LDHB: variants seen among roughly 807,000 people sequenced by gnomAD.
LDHB encodes lactate dehydrogenase B, also known as L-lactate dehydrogenase B chain.
Under a neutral mutation model 33.4 loss-of-function variants are expected in LDHB, and 18 were observed. The ratio of observed to expected loss-of-function variants is 0.54; its 90% CI spans 0.37 to 0.80. The LOEUF is 0.80. LDHB is among the 30% of genes least tolerant of loss of function. The pLI is 0.00. For missense variants in LDHB, 345 were observed against 407.9 expected (o/e 0.85, Z 1.33); for synonymous variants, 121 against 140.6 (o/e 0.86, Z 0.98).
In LDHB at chr12:21,644,046, C is replaced by T; in HGVS notation, c.310G>A (p.Gly104Arg). Reference sequence around the variant, plus strand: ...TGCACCAGATTGAGCCGACTCTCCCCTTCTTGCTGACGGACTCCTGCAGTT... The same window carrying T: ...TGCACCAGATTGAGCCGACTCTCCCTTTCTTGCTGACGGACTCCTGCAGTT... ...VVTAGVRQQEGESRLNLVQRN... is the reference protein window; with the variant it reads ...VVTAGVRQQERESRLNLVQRN... The change falls in exon 4 of 8, where the codon GGG becomes AGG. Residue 104 changes from glycine to arginine, a missense_variant. Coordinates refer to ENST00000350669, the MANE Select transcript of LDHB (RefSeq NM_002300.8). 1 of 1,613,132 alleles carries T rather than the reference C, an allele frequency of 6.2e-7. No homozygotes were observed. Among genetic ancestry groups the T allele is most frequent in the Non-Finnish European group, 8.5e-7 (1 of 1,179,124 alleles).
chr12:21,638,550 T>C (rs1938280470), intron 5 of LDHB, 80 bp from the exon 6 acceptor site: 1 of 964,798 alleles, frequency 1.0e-6, no homozygotes. Flanking sequence ...TAGTGCAATT[T>C]CACCTATGAT....
At chr12:21,636,972 T>A in intron 7 of LDHB, 99 bp downstream of exon 7, 1 of 1,057,710 alleles carries the variant, frequency 9.5e-7, no homozygotes, top group South Asian at 1.3e-5. Flanking sequence ...AGAAATAACC[T>A]TGAACTATGA....
intron 6 of LDHB, 30 bp from the exon 7 acceptor site, chr12:21,637,224 AATAAG>A (rs751953706): frequency 6.5e-7 from 1 of 1,535,180 alleles, no homozygotes; most frequent in South Asian, 1.1e-5. Flanking sequence ...ACATCACTGA[AATAAG>A]ACTCAATCAT....
chr12:21,635,840 C>A (rs1387928133), intron 7 of LDHB, 131 bp from the exon 8 acceptor site: 1 of 766,454 alleles, frequency 1.3e-6, no homozygotes, highest in East Asian at 2.7e-5. Flanking sequence ...GACAGCGGTA[C>A]TACTCTCCAG....
intron 2 of LDHB, among the ~76,000 whole-genome samples, chr12:21,651,108 T>A (rs1394316210): frequency 6.6e-6 from 1 of 152,144 alleles, no homozygotes. Flanking sequence ...GAGATTGGCA[T>A]TTGGGAGGCA....
Position 21,649,834 on chromosome 12 carries a change from G to GTC in LDHB, c.130-2819_130-2818insGA, listed in dbSNP as rs1938632923. Among the ~76,000 whole-genome samples the GTC allele has an allele frequency of 5.9e-5, 9 of 152,158 alleles. No individual in the cohort carries two copies. In the South Asian group the frequency reaches 1.7e-3, roughly 28 times the overall value. On this transcript the variant is annotated intron_variant, in intron 2 of 7. Transcript: ENST00000350669. ...TGGCCAGGGGTGGTGGCTCATGCGT[G>GTC]TAATCCCAGCATTTTGGGGGGCTGA... is the stretch of plus-strand genomic sequence containing the variant.
Position 21,637,161 on chromosome 12 carries a change from G to C in LDHB, c.747C>G (p.Thr249=), listed in dbSNP as rs375117218. ...CCACACTTAATCCAATAGCCCAGTT[G>C]GTATATCCTTTTAGCTTGATGACTT... ...AYEVIKLKGY[T]NWAIGLSVAD... The change falls in exon 7 of 8, where the codon ACC becomes ACG. Residue 249 remains threonine (T), a synonymous_variant. Coordinates refer to ENST00000350669, the MANE Select transcript of LDHB (RefSeq NM_002300.8). 1 of 1,601,700 alleles carries C rather than the reference G, an allele frequency of 6.2e-7. No homozygotes were observed. The highest frequency in any genetic ancestry group is 1.3e-5 in the African/African-American group (1 of 74,544).
At chr12:21,645,934 G>A (rs1938515921) in intron 3 of LDHB, among the ~76,000 whole-genome samples, 1 of 152,126 alleles carries the variant, frequency 6.6e-6, no homozygotes, top group Admixed American at 6.5e-5. Context: ...CCCCTTCATT[G>A]TACCAATACT....
intron 5 of LDHB, 28 bp downstream of exon 5, chr12:21,641,924 A>C (rs747011218): frequency 6.3e-7 from 1 of 1,579,692 alleles, no homozygotes; most frequent in Non-Finnish European, 8.7e-7. Context: ...CAACATCACA[A>C]GTAATTATTT....
In LDHB at chr12:21,643,976, T is replaced by A. The variant is rs1408591269; in HGVS notation, c.380A>T (p.Lys127Met). 8 of 1,613,228 alleles carry A rather than the reference T, an allele frequency of 5.0e-6. No homozygotes were observed. The highest frequency in any genetic ancestry group is 6.8e-6 in the Non-Finnish European group (8 of 1,179,208). ...AATTATGATGCAATCAGGACTGTAC[T>A]TGACGATCTGAGGAATAATGAATTT... is the stretch of plus-strand genomic sequence containing the variant. ...VFKFIIPQIV[K>M]YSPDCIIIVV... is the part of the protein sequence containing the mutation. The change falls in exon 4 of 8, where the codon AAG becomes ATG. Residue 127 changes from lysine (K) to methionine (M), a missense_variant. Lys to Met is a moderately conservative substitution (Grantham distance 95, BLOSUM62 -1). Coordinates refer to ENST00000350669, the MANE Select transcript of LDHB (RefSeq NM_002300.8).
At chr12:21,648,736 A>G (rs1938598210) in intron 2 of LDHB, among the ~76,000 whole-genome samples, 1 of 152,206 alleles carries the variant, frequency 6.6e-6, no homozygotes, top group African/African-American at 2.4e-5. Flanking sequence ...CAATGAATAA[A>G]CACTGTCCTC....
At chr12:21,641,924 A>G (rs747011218) in intron 5 of LDHB, 28 bp downstream of exon 5, 2 of 1,579,692 alleles carry the variant, frequency 1.3e-6, no homozygotes, top group Non-Finnish European at 1.7e-6. Flanking sequence ...CAACATCACA[A>G]GTAATTATTT....
intron 1 of LDHB, 114 bp from the exon 2 acceptor site, chr12:21,654,791 C>T (rs1257757503): frequency 1.2e-6 from 1 of 866,922 alleles, no homozygotes; most frequent in East Asian, 2.5e-5. Context: ...TTAAAATGAG[C>T]CTAATGATAT....
In LDHB at chr12:21,652,720, T is replaced by C. The variant is rs189157307; in HGVS notation, c.129+1823A>G. Among the ~76,000 whole-genome samples the C allele has an allele frequency of 1.5e-4, 23 of 151,576 alleles. No individual in the cohort carries two copies. The East Asian group carries it at 3.5e-3, about 23-fold the overall frequency. ...AAGGATAGGGAGCTGCTATCCTAAA[T>C]GACAGTGACCTAGTCAATTGAAACT... On this transcript the variant is annotated intron_variant, in intron 2 of 7. Coordinates refer to ENST00000350669, the MANE Select transcript of LDHB (RefSeq NM_002300.8).
At chr12:21,636,852 AAAG>A (rs1938231597) in intron 7 of LDHB, among the ~76,000 whole-genome samples, 1 of 152,144 alleles carries the variant, frequency 6.6e-6, no homozygotes, top group African/African-American at 2.4e-5. Flanking sequence ...AAAATTATAT[AAAG>A]AATGACAACA....
chr12:21,648,539 G>GA (rs1450903338), intron 2 of LDHB, among the ~76,000 whole-genome samples: 1 of 151,650 alleles, frequency 6.6e-6, no homozygotes, highest in Admixed American at 6.6e-5. Context: ...TATTAATGGG[G>GA]GGGAGGGGCC....
At position 21,636,800 on chromosome 12, in the gene LDHB, C is replaced by T. The variant is rs141386044; in HGVS notation, c.837+271G>A. The stretch of plus-strand genomic sequence containing the variant: ...ATTACACTTATTCAAATGATCAATA[C>T]TTTAAGAATGTGCTAAGATTCAGAG... On this transcript the variant is annotated intron_variant, in intron 7 of 7. Coordinates refer to ENST00000350669, the MANE Select transcript of LDHB (RefSeq NM_002300.8). Among the ~76,000 whole-genome samples the T allele has an allele frequency of 3.6e-3, 542 of 152,156 alleles. 6 individuals carry two copies. The Middle Eastern group carries it at 0.037, about 11-fold the overall frequency.
chr12:21,656,557 T>C (rs1938850478), intron 1 of LDHB, among the ~76,000 whole-genome samples: 1 of 152,194 alleles, frequency 6.6e-6, no homozygotes, highest in Non-Finnish European at 1.5e-5. Flanking sequence ...AAAATGAAAA[T>C]GAAGAAACAG....
At position 21,635,413 on chromosome 12, in the gene LDHB, T is replaced by C. The variant is rs1262510750; in HGVS notation, c.*129A>G. On this transcript the variant is annotated 3_prime_UTR_variant, in exon 8 of 8. Transcript: ENST00000350669. ...GCATTAAACCAAGCATAGGCTTTGATTCTGTGAGCCCAAATTCACATATTG... is the reference window on the plus strand; with the variant it reads ...GCATTAAACCAAGCATAGGCTTTGACTCTGTGAGCCCAAATTCACATATTG... 2 of 804,176 alleles carry C rather than the reference T, an allele frequency of 2.5e-6. No individual in the cohort carries two copies. Among genetic ancestry groups the C allele is most frequent in the Non-Finnish European group, 4.3e-6 (2 of 459,816 alleles). 49.8% of individuals were successfully genotyped at this position (804,176 alleles called of 1,614,324 possible).
Sources: gnomAD v4.1 joint callset for allele counts (sites outside exome capture counted in the v4.1 genomes callset) on GRCh38, gnomAD v4.1.1 for gene constraint, MANE v1.5 for transcripts, NCBI Gene and HGNC (gene_info 2026-07-23, HGNC 2026-07-21) for gene names.